The following FAF1 variants were observed in gnomAD, a reference collection of about 807,000 sequenced individuals.
FAF1 encodes the protein Fas associated factor 1, also known as FAS-associated factor 1.
In FAF1, 25 loss-of-function variants were observed where a neutral mutation model predicts 92.5. The observed-to-expected ratio is 0.27, with a 90% CI of 0.20 to 0.38. The LOEUF (loss-of-function observed/expected upper bound fraction) is 0.38, where lower values mean the gene tolerates loss of function less well. Ranked by LOEUF, FAF1 falls within the 10% of genes least tolerant of loss-of-function variation. The probability of loss-of-function intolerance (pLI) is 1.00; values close to 1 mark genes in which losing one functional copy is unlikely to be tolerated. For synonymous variants in FAF1, 234 were observed against 273.2 expected, an observed-to-expected ratio of 0.86 and a Z score of 1.42; for missense variants, 636 against 793.3, an observed-to-expected ratio of 0.80 and a Z score of 2.38.
intron 7 of FAF1, among the ~76,000 whole-genome samples, chr1:50,695,171 G>A (rs1176724553): frequency 3.3e-5 from 5 of 151,988 alleles, no homozygotes; most frequent in African/African-American, 1.2e-4. Context: ...ACTTTGGGAG[G>A]TTGAGGCAGG....
intron 12 of FAF1, among the ~76,000 whole-genome samples, chr1:50,574,602 C>T (rs1379536670): frequency 6.6e-6 from 1 of 152,154 alleles, no homozygotes; most frequent in East Asian, 1.9e-4. Context: ...CTCGCCCCCA[C>T]TTTTAGGACA....
chr1:50,748,267 A>G (rs1659707648), intron 4 of FAF1, among the ~76,000 whole-genome samples: 1 of 152,142 alleles, frequency 6.6e-6, no homozygotes, highest in South Asian at 2.1e-4. Context: ...AGGCCAAGGC[A>G]GGCAGATCAA....
chr1:50,867,421 T>G (rs1644490393), intron 1 of FAF1, among the ~76,000 whole-genome samples: 1 of 152,054 alleles, frequency 6.6e-6, no homozygotes, highest in African/African-American at 2.4e-5. Context: ...GGAGAAAATC[T>G]TGGTAAATTA....
chr1:50,475,315 G>A (rs1646625098), intron 18 of FAF1, 149 bp downstream of exon 18: 1 of 620,080 alleles, frequency 1.6e-6, no homozygotes, highest in African/African-American at 1.8e-5. Context: ...CAAAAGCTAA[G>A]GAGAGAATGG....
intron 12 of FAF1, among the ~76,000 whole-genome samples, chr1:50,572,376 A>G (rs1191927582): frequency 1.3e-5 from 2 of 152,228 alleles, no homozygotes; most frequent in African/African-American, 2.4e-5. Context: ...AAGACATTTA[A>G]TATTGTTACA....
chr1:50,799,505 TA>T (rs1032418346), intron 3 of FAF1, among the ~76,000 whole-genome samples: 81 of 145,620 alleles, frequency 5.6e-4, no homozygotes, highest in Admixed American at 6.2e-4. Flanking sequence ...TTCTTTCTCT[TA>T]AAAAAAAAAA....
intron 4 of FAF1, among the ~76,000 whole-genome samples, chr1:50,747,522 T>C (rs1659677567): frequency 6.6e-6 from 1 of 152,196 alleles, no homozygotes; most frequent in African/African-American, 2.4e-5. Flanking sequence ...TAGGAGTAAG[T>C]AACCTGCTTT....
At chr1:50,935,473 T>TC (rs1645078665) in intron 1 of FAF1, among the ~76,000 whole-genome samples, 2 of 141,988 alleles carry the variant, frequency 1.4e-5, no homozygotes, top group Admixed American at 7.0e-5. Context: ...ATTTACTCTC[T>TC]CTTTTTTTTT....
At chr1:50,465,630 T>G (rs1646485017) in intron 18 of FAF1, among the ~76,000 whole-genome samples, 1 of 152,060 alleles carries the variant, frequency 6.6e-6, no homozygotes, top group Non-Finnish European at 1.5e-5. Flanking sequence ...AGTGAACAGT[T>G]CAGTGGAGAA....
At chr1:50,592,907 C>G (rs1429511308) in intron 9 of FAF1, among the ~76,000 whole-genome samples, 1 of 147,752 alleles carries the variant, frequency 6.8e-6, no homozygotes, top group Non-Finnish European at 1.5e-5. Context: ...CACTGTACTT[C>G]AGCCTGGGCA....
intron 8 of FAF1, among the ~76,000 whole-genome samples, chr1:50,634,537 T>C (rs986954391): frequency 6.6e-6 from 1 of 152,198 alleles, no homozygotes; most frequent in Non-Finnish European, 1.5e-5. Flanking sequence ...TAAACAACTT[T>C]CCATTTTTCA....
chr1:50,639,398 C>T (rs1654212856), intron 8 of FAF1, among the ~76,000 whole-genome samples: 1 of 152,192 alleles, frequency 6.6e-6, no homozygotes, highest in Non-Finnish European at 1.5e-5. Flanking sequence ...CTTTGCCTTC[C>T]TACCTTGCTG....
At chr1:50,744,604 A>C (rs1659514722) in intron 5 of FAF1, 80 bp downstream of exon 5, 2 of 983,796 alleles carry the variant, frequency 2.0e-6, no homozygotes, top group South Asian at 2.9e-5. Context: ...AACAACATTA[A>C]TTAAAACCAA....
At chr1:50,728,060 C>A (rs551774467) in intron 6 of FAF1, among the ~76,000 whole-genome samples, 1 of 152,102 alleles carries the variant, frequency 6.6e-6, no homozygotes, top group Non-Finnish European at 1.5e-5. Context: ...AACTCCCTTG[C>A]GTATATACAT....
chr1:50,502,186 T>C (rs1291990179), intron 15 of FAF1, among the ~76,000 whole-genome samples: 1 of 152,184 alleles, frequency 6.6e-6, no homozygotes, highest in Non-Finnish European at 1.5e-5. Context: ...AACTGAGTTC[T>C]CTAATAAAGA....
chr1:50,611,340 CAAAAAG>C (rs1652675241), intron 8 of FAF1, among the ~76,000 whole-genome samples: 2 of 151,932 alleles, frequency 1.3e-5, no homozygotes. Context: ...GATATTAACA[CAAAAAG>C]AAAAAGGAAA....
At chr1:50,546,425 G>A (rs1321590243) in intron 13 of FAF1, among the ~76,000 whole-genome samples, 1 of 152,142 alleles carries the variant, frequency 6.6e-6, no homozygotes, top group East Asian at 1.9e-4. Flanking sequence ...GAGTGCGGTG[G>A]TGCAATCTCA....
intron 13 of FAF1, among the ~76,000 whole-genome samples, chr1:50,563,801 G>C (rs541818413): frequency 6.6e-6 from 1 of 152,276 alleles, no homozygotes; most frequent in East Asian, 1.9e-4. Flanking sequence ...TATTTGGAAT[G>C]TTCTAAGATC....
At chr1:50,452,240 G>A in intron 18 of FAF1, 1 of 1,054,014 alleles carries the variant, frequency 9.5e-7, no homozygotes, top group South Asian at 1.3e-5. Context: ...CCGCTTTACA[G>A]AACAATTTGC....
Sources: gnomAD v4.1 joint callset for allele counts (sites outside exome capture counted in the v4.1 genomes callset) on GRCh38, gnomAD v4.1.1 for gene constraint, MANE v1.5 for transcripts, NCBI Gene and HGNC (gene_info 2026-07-23, HGNC 2026-07-21) for gene names.